The following GON4L variants were observed in gnomAD, a reference collection of about 807,000 sequenced individuals.
The protein encoded by GON4L is GON-4-like protein.
A neutral mutation model predicts 211.8 loss-of-function variants in GON4L; 87 were observed. That is an observed-to-expected ratio of 0.41 (90% confidence interval 0.35 to 0.49). The LOEUF is 0.49. GON4L is among the 20% of genes least tolerant of loss of function. GON4L has a pLI of 0.15. For missense variants in GON4L, 2,155 were observed against 2,659.5 expected (o/e 0.81, Z 4.17); for synonymous variants, 875 against 962.6 (o/e 0.91, Z 1.68).
intron 11 of GON4L, among the ~76,000 whole-genome samples, chr1:155,803,067 C>T (rs1484616763): frequency 6.6e-6 from 1 of 152,180 alleles, no homozygotes; most frequent in Non-Finnish European, 1.5e-5. Flanking sequence ...TTATCCCTCA[C>T]AGATTCTAGC....
chr1:155,750,002 C>G lies in GON4L; in HGVS notation c.*582G>C. 6.9e-7 allele frequency: 1 copy of G among 1,440,434 alleles called. No homozygotes were observed. The highest frequency in any genetic ancestry group is 9.5e-7 in the Non-Finnish European group (1 of 1,057,780). 89.2% of individuals were successfully genotyped at this position (1,440,434 alleles called of 1,614,324 possible). ...AGACCCTGGAAGCCTTGGCCAGAGA[C>G]CTCACCAAACTCGACTTGCGGCGCT... On this transcript the variant is annotated 3_prime_UTR_variant, in exon 32 of 32. Transcript: ENST00000368331.
In GON4L at chr1:155,853,413, A is replaced by C; in HGVS notation, c.368T>G (p.Leu123Arg). The change falls in exon 2 of 32, where the codon CTC (leucine) becomes CGC (arginine). Residue 123 changes from leucine to arginine, a missense_variant. By Grantham distance (102) the Leu-to-Arg change is moderately radical. Transcript: ENST00000368331. ...PLNIHIGKGK[L>R]HATGSKRGKK... ...CCCTCTCTTTGAGCCAGTAGCGTGG[A>C]GTTTTCCTTTACCAATGTGTATATT... 1 of 1,614,040 alleles carries C rather than the reference A, an allele frequency of 6.2e-7. No homozygotes were observed. The highest frequency in any genetic ancestry group is 8.5e-7 in the Non-Finnish European group (1 of 1,179,994).
chr1:155,813,686 T>C lies in GON4L; in HGVS notation c.1400A>G (p.His467Arg). The C allele has an allele frequency of 2.5e-6, 4 of 1,613,924 alleles. No homozygotes were observed. Among genetic ancestry groups the C allele is most frequent in the Non-Finnish European group, 3.4e-6 (4 of 1,179,792 alleles). The stretch of plus-strand genomic sequence containing the variant: ...GGAAGCCAGCTCCTCATCTACCGCA[T>C]GTAACTTCTCCATGAAAGTACTATC... ...TRDSTFMEKLHAVDEELASSP... is the reference protein window; with the variant it reads ...TRDSTFMEKLRAVDEELASSP... The change falls in exon 10 of 32, where the codon CAT (histidine) becomes CGT (arginine). Residue 467 changes from histidine (H) to arginine (R), a missense_variant. Physicochemically the swap from His to Arg is conservative, Grantham distance 29. Transcript: ENST00000368331.
chr1:155,831,483 AAATAAATAAATAAAT>A (rs2102340087), intron 2 of GON4L: 1 of 150,952 alleles, frequency 6.6e-6, no homozygotes, highest in South Asian at 2.1e-4. Context: ...ATAAATAAAT[AAATAAATAAATAAAT>A]AAAAAGTTAT....
chr1:155,827,901 T>A (rs1306460089), intron 2 of GON4L, among the ~76,000 whole-genome samples: 1 of 152,110 alleles, frequency 6.6e-6, no homozygotes, highest in Non-Finnish European at 1.5e-5. Context: ...CCCATTACTT[T>A]GGGAGGCCAG....
intron 2 of GON4L, among the ~76,000 whole-genome samples, chr1:155,840,090 G>A (rs1387611374): frequency 6.6e-6 from 1 of 152,066 alleles, no homozygotes; most frequent in Non-Finnish European, 1.5e-5. Context: ...TTAGCTTAGA[G>A]GTCTATAAAA....
intron 10 of GON4L, among the ~76,000 whole-genome samples, chr1:155,805,908 T>G (rs1378765437): frequency 6.6e-6 from 1 of 151,884 alleles, no homozygotes; most frequent in East Asian, 1.9e-4. Context: ...CACGCTGGTC[T>G]CGAAGTCCTG....
At chr1:155,761,020 A>AG (rs1661727908) in intron 23 of GON4L, among the ~76,000 whole-genome samples, 1 of 152,184 alleles carries the variant, frequency 6.6e-6, no homozygotes, top group South Asian at 2.1e-4. Context: ...ATAATACATA[A>AG]GTTAGGAATG....
At chr1:155,828,763 G>A (rs577157910) in intron 2 of GON4L, among the ~76,000 whole-genome samples, 2 of 146,794 alleles carry the variant, frequency 1.4e-5, no homozygotes, top group South Asian at 2.1e-4. Flanking sequence ...TGCCGAGATC[G>A]CGCCACTGAA....
At position 155,822,328 on chromosome 1, in the gene GON4L, C is replaced by T; in HGVS notation, c.846G>A (p.Lys282=). The T allele has an allele frequency of 6.2e-7, 1 of 1,614,140 alleles. No homozygotes were observed. Among genetic ancestry groups the T allele is most frequent in the South Asian group, 1.1e-5 (1 of 91,088 alleles). ...MLDRTLEDGA[K]QHNLTAVNVR... ...CATTGACTGCTGTTAGATTGTGCTGCTTGGCACCATCCTCCAAGGTACGGT... is the reference window on the plus strand; with the variant it reads ...CATTGACTGCTGTTAGATTGTGCTGTTTGGCACCATCCTCCAAGGTACGGT... The change falls in exon 4 of 32, where the codon AAG becomes AAA. Residue 282 remains lysine (K), a synonymous_variant. Transcript: ENST00000368331.
intron 1 of GON4L, among the ~76,000 whole-genome samples, chr1:155,855,382 G>A (rs1329078878): frequency 1.3e-5 from 2 of 151,388 alleles, no homozygotes; most frequent in Admixed American, 6.6e-5. Context: ...TTTGAAACAA[G>A]GTCTTGCTCT....
intron 14 of GON4L, among the ~76,000 whole-genome samples, chr1:155,778,969 T>C (rs905197212): frequency 6.6e-6 from 1 of 152,088 alleles, no homozygotes; most frequent in Non-Finnish European, 1.5e-5. Context: ...CCTTGAAATA[T>C]GATAACCTGC....
intron 18 of GON4L, among the ~76,000 whole-genome samples, chr1:155,772,305 A>C (rs549877971): frequency 2.3e-4 from 35 of 152,134 alleles, no homozygotes; most frequent in Non-Finnish European, 4.1e-4. Context: ...AGGAAGGAGA[A>C]TAATTCTAAT....
At chr1:155,836,528 G>GT (rs1670337825) in intron 2 of GON4L, among the ~76,000 whole-genome samples, 2 of 152,180 alleles carry the variant, frequency 1.3e-5, no homozygotes, top group South Asian at 4.1e-4. Flanking sequence ...GATTATAGGC[G>GT]TGAGCCACCA....
chr1:155,802,233 T>C (rs1666735552), intron 11 of GON4L, among the ~76,000 whole-genome samples: 1 of 144,476 alleles, frequency 6.9e-6, no homozygotes. Flanking sequence ...GAAGTGCCAA[T>C]AAATAAACTC....
chr1:155,764,916 G>A (rs1373263163), intron 21 of GON4L, 84 bp downstream of exon 21: 2 of 1,609,750 alleles, frequency 1.2e-6, no homozygotes, highest in East Asian at 2.2e-5. Context: ...TATCCATAGT[G>A]CAGCAAGCAA....
At position 155,770,311 on chromosome 1, in the gene GON4L, A is replaced by G. The variant is rs1477880743; in HGVS notation, c.2646+756T>C. ...AGGCCAAGCTGAGGCAGGCGGACTGACACATGTCAAAACTTCAAGACCAGT... is the reference window on the plus strand; with the variant it reads ...AGGCCAAGCTGAGGCAGGCGGACTGGCACATGTCAAAACTTCAAGACCAGT... On this transcript the variant is annotated intron_variant, in intron 19 of 31. Coordinates refer to ENST00000368331, the MANE Select transcript of GON4L (RefSeq NM_001282860.2). 2.6e-5 allele frequency among the ~76,000 whole-genome samples: 4 copies of G among 152,184 alleles called. No individual in the cohort carries two copies. In the East Asian group the frequency reaches 7.8e-4, roughly 30 times the overall value.
chr1:155,837,302 G>A (rs568436800), intron 2 of GON4L, among the ~76,000 whole-genome samples: 12 of 152,216 alleles, frequency 7.9e-5, no homozygotes, highest in African/African-American at 2.2e-4. Context: ...AAAAGCAGCC[G>A]CCTGAACACT....
intron 10 of GON4L, among the ~76,000 whole-genome samples, chr1:155,810,663 C>T (rs553693566): frequency 1.6e-4 from 22 of 141,854 alleles, no homozygotes; most frequent in Middle Eastern, 4.3e-3. Context: ...GCCGAGATCA[C>T]GCCATCACAC....
Sources: allele counts gnomAD v4.1 joint callset (sites outside exome capture counted in the v4.1 genomes callset), GRCh38; gene constraint gnomAD v4.1.1; transcripts MANE v1.5; gene names NCBI Gene and HGNC (gene_info 2026-07-23, HGNC 2026-07-21).